The following MAP4K3 variants were observed in gnomAD, a reference collection of about 807,000 sequenced individuals.
MAP4K3 encodes the protein mitogen-activated protein kinase kinase kinase kinase 3.
MAP4K3 carries 94 observed loss-of-function variants against 143.5 expected under a neutral mutation model. That is an observed-to-expected ratio of 0.65 (90% CI 0.55 to 0.78). The LOEUF is 0.78. Ranked by LOEUF, MAP4K3 falls within the 30% of genes least tolerant of loss-of-function variation. MAP4K3 has a pLI of 0.00. For missense variants in MAP4K3, 1,077 were observed against 1,068.1 expected (o/e 1.01, Z -0.12); for synonymous variants, 416 against 347.2 (o/e 1.20, Z -2.20).
chr2:39,335,255 G>A (rs974021720), intron 6 of MAP4K3, among the ~76,000 whole-genome samples: 1 of 152,112 alleles, frequency 6.6e-6, no homozygotes, highest in African/African-American at 2.4e-5. Context: ...ATAAGATATG[G>A]TTGAAAAGGT....
chr2:39,350,204 A>C (rs1452181815), intron 3 of MAP4K3, among the ~76,000 whole-genome samples: 3 of 152,248 alleles, frequency 2.0e-5, no homozygotes, highest in Non-Finnish European at 4.4e-5. Flanking sequence ...ATAACAAATT[A>C]ACATCAACTT....
At chr2:39,360,455 T>C (rs933869857) in intron 2 of MAP4K3, among the ~76,000 whole-genome samples, 1 of 152,196 alleles carries the variant, frequency 6.6e-6, no homozygotes, top group Non-Finnish European at 1.5e-5. Context: ...TCTTTTCTTC[T>C]TCTGAGCCCT....
chr2:39,382,376 T>C (rs896101431), intron 1 of MAP4K3, among the ~76,000 whole-genome samples: 3 of 152,218 alleles, frequency 2.0e-5, no homozygotes, highest in Admixed American at 6.5e-5. Flanking sequence ...TAGAAGGGCA[T>C]GTCCGATGTG....
chr2:39,428,834 C>T (rs1255544822), intron 1 of MAP4K3, among the ~76,000 whole-genome samples: 1 of 151,574 alleles, frequency 6.6e-6, no homozygotes, highest in East Asian at 2.0e-4. Context: ...CCTTGGGAGG[C>T]TGAGGCGGGT....
At chr2:39,258,610 T>A in intron 29 of MAP4K3, 23 bp from the exon 30 acceptor site, 1 of 1,542,722 alleles carries the variant, frequency 6.5e-7, no homozygotes, top group Non-Finnish European at 9.0e-7. Flanking sequence ...CAAATTTTGG[T>A]AAACCTACAG....
At chr2:39,262,132 G>A (rs1680594392) in intron 28 of MAP4K3, among the ~76,000 whole-genome samples, 1 of 152,096 alleles carries the variant, frequency 6.6e-6, no homozygotes, top group Non-Finnish European at 1.5e-5. Flanking sequence ...ATTTTATGAA[G>A]CTACTGGATT....
At chr2:39,379,484 C>T (rs558836221) in intron 1 of MAP4K3, among the ~76,000 whole-genome samples, 2 of 152,034 alleles carry the variant, frequency 1.3e-5, no homozygotes, top group Non-Finnish European at 2.9e-5. Context: ...GTGCTGGATA[C>T]TAGTTCCTTT....
intron 16 of MAP4K3, among the ~76,000 whole-genome samples, chr2:39,299,536 G>C (rs1179384933): frequency 1.3e-5 from 2 of 152,050 alleles, no homozygotes; most frequent in African/African-American, 2.4e-5. Context: ...AATGTAGCTT[G>C]ATATAAAAAA....
intron 1 of MAP4K3, among the ~76,000 whole-genome samples, chr2:39,416,002 T>TATATATATATATATATATAA (rs1553318623): frequency 1.1e-5 from 1 of 91,152 alleles, no homozygotes; most frequent in African/African-American, 4.7e-5. Context: ...TATATATATA[T>TATATATATATATATATATAA]ATAAAAATAA....
At chr2:39,298,124 G>A (rs550595166) in intron 16 of MAP4K3, among the ~76,000 whole-genome samples, 1 of 151,862 alleles carries the variant, frequency 6.6e-6, no homozygotes, top group Non-Finnish European at 1.5e-5. Flanking sequence ...TACTAACAAG[G>A]ACCTTAAAAT....
At chr2:39,426,940 T>C (rs1665107842) in intron 1 of MAP4K3, among the ~76,000 whole-genome samples, 1 of 152,022 alleles carries the variant, frequency 6.6e-6, no homozygotes, top group Non-Finnish European at 1.5e-5. Flanking sequence ...AGTTTACAAT[T>C]TTCCAGGACT....
chr2:39,368,262 GA>G (rs1665980173), intron 2 of MAP4K3, among the ~76,000 whole-genome samples: 1 of 152,082 alleles, frequency 6.6e-6, no homozygotes, highest in Non-Finnish European at 1.5e-5. Flanking sequence ...AGTAAGGACA[GA>G]AAAAGGAAAA....
chr2:39,393,495 A>C (rs1386920525), intron 1 of MAP4K3, among the ~76,000 whole-genome samples: 10 of 152,262 alleles, frequency 6.6e-5, no homozygotes, highest in Admixed American at 5.9e-4. Flanking sequence ...TTTTTAAAAA[A>C]AGCTATGTAT....
At chr2:39,317,020 A>G (rs1683133398) in intron 12 of MAP4K3, among the ~76,000 whole-genome samples, 1 of 152,188 alleles carries the variant, frequency 6.6e-6, no homozygotes, top group African/African-American at 2.4e-5. Context: ...CTATACTACA[A>G]GGCTACAGAA....
intron 13 of MAP4K3, among the ~76,000 whole-genome samples, chr2:39,313,858 A>C (rs1683026114): frequency 6.6e-6 from 1 of 152,182 alleles, no homozygotes; most frequent in African/African-American, 2.4e-5. Context: ...ATGCACTTAG[A>C]AGTTGAGAAT....
intron 1 of MAP4K3, among the ~76,000 whole-genome samples, chr2:39,384,330 G>A (rs529861084): frequency 1.5e-4 from 23 of 152,142 alleles, no homozygotes; most frequent in Non-Finnish European, 2.9e-4. Flanking sequence ...CGGATCACCT[G>A]AGGTCAGGAG....
At chr2:39,274,144 T>C (rs963111464) in intron 24 of MAP4K3, among the ~76,000 whole-genome samples, 1 of 151,860 alleles carries the variant, frequency 6.6e-6, no homozygotes, top group Non-Finnish European at 1.5e-5. Flanking sequence ...ATTTTCAACA[T>C]AGGGACAATG....
At chr2:39,301,976 A>G (rs1022544217) in intron 15 of MAP4K3, among the ~76,000 whole-genome samples, 8 of 152,112 alleles carry the variant, frequency 5.3e-5, no homozygotes, top group African/African-American at 1.9e-4. Flanking sequence ...GTGAGCCAAC[A>G]TTGCGCCACT....
At chr2:39,300,444 T>G (rs1199725413) in intron 15 of MAP4K3, among the ~76,000 whole-genome samples, 1 of 152,172 alleles carries the variant, frequency 6.6e-6, no homozygotes, top group Non-Finnish European at 1.5e-5. Context: ...TGTTAAGAAT[T>G]AACATTTAAA....
Sources: allele counts gnomAD v4.1 joint callset (sites outside exome capture counted in the v4.1 genomes callset), GRCh38; gene constraint gnomAD v4.1.1; transcripts MANE v1.5; gene names NCBI Gene and HGNC (gene_info 2026-07-23, HGNC 2026-07-21).